Variants in TUSC3 observed in about 807,000 individuals in gnomAD.
TUSC3 encodes tumor suppressor candidate 3, also known as dolichyl-diphosphooligosaccharide--protein glycosyltransferase subunit TUSC3.
A neutral mutation model predicts 44.8 loss-of-function variants in TUSC3; 45 were observed. The observed-to-expected ratio is 1.00, with a 90% CI of 0.79 to 1.29. The LOEUF is 1.29. Among genes scored for constraint, TUSC3 ranks in the 50% most tolerant of loss-of-function variants. The probability of loss-of-function intolerance (pLI) is 0.00; values close to 1 mark genes in which losing one functional copy is unlikely to be tolerated. For missense variants in TUSC3, 519 were observed against 437.9 expected, an observed-to-expected ratio of 1.19 and a Z score of -1.65; for synonymous variants, 212 against 152.9, an observed-to-expected ratio of 1.39 and a Z score of -2.85.
At chr8:15,739,933 T>C (rs1377441354) in intron 7 of TUSC3, among the ~76,000 whole-genome samples, 1 of 151,154 alleles carries the variant, frequency 6.6e-6, no homozygotes, top group East Asian at 2.0e-4. Context: ...TGTAAACAGA[T>C]GGTAATGTCT....
chr8:15,434,033 AAC>A (rs2129117288), intron 1 of TUSC3, among the ~76,000 whole-genome samples: 1 of 152,286 alleles, frequency 6.6e-6, no homozygotes, highest in African/African-American at 2.4e-5. Context: ...TGAGAAACTA[AAC>A]AGTTCCTCAA....
intron 5 of TUSC3, among the ~76,000 whole-genome samples, chr8:15,663,698 A>T (rs936716185): frequency 2.0e-5 from 3 of 151,916 alleles, no homozygotes; most frequent in African/African-American, 7.2e-5. Context: ...TTGATGAATG[A>T]GTTAAAATGG....
At chr8:15,737,263 T>C (rs1810976007) in intron 7 of TUSC3, among the ~76,000 whole-genome samples, 1 of 152,186 alleles carries the variant, frequency 6.6e-6, no homozygotes, top group African/African-American at 2.4e-5. Context: ...AACATTTTTT[T>C]CAACGTCTAT....
chr8:15,843,988 T>C, the TUSC3 span, among the ~76,000 whole-genome samples: 26 of 152,246 alleles, frequency 1.7e-4, no homozygotes, highest in South Asian at 4.1e-3. Context: ...ATCTAATTTC[T>C]ACCAAATCTT....
intron 1 of TUSC3, among the ~76,000 whole-genome samples, chr8:15,460,727 A>G (rs1468171590): frequency 6.6e-6 from 1 of 152,168 alleles, no homozygotes; most frequent in African/African-American, 2.4e-5. Context: ...ATGAGGATCC[A>G]GTTTCATTCT....
chr8:15,720,809 G>T (rs145261775), intron 6 of TUSC3, among the ~76,000 whole-genome samples: 3 of 152,054 alleles, frequency 2.0e-5, no homozygotes, highest in African/African-American at 4.8e-5. Context: ...CTTATATTGC[G>T]ATTGAGGCAG....
intron 6 of TUSC3, among the ~76,000 whole-genome samples, chr8:15,704,164 A>G (rs987356900): frequency 1.1e-4 from 17 of 152,132 alleles, no homozygotes; most frequent in African/African-American, 3.1e-4. Flanking sequence ...TCATTTAAGC[A>G]GAGACCTGAA....
intron 2 of TUSC3, among the ~76,000 whole-genome samples, chr8:15,513,640 A>G (rs1801172476): frequency 6.6e-6 from 1 of 152,112 alleles, no homozygotes; most frequent in Non-Finnish European, 1.5e-5. Flanking sequence ...TTGTTTTAGG[A>G]AAAAAACTCA....
chr8:15,501,106 C>A (rs539510410), intron 2 of TUSC3, among the ~76,000 whole-genome samples: 1 of 152,292 alleles, frequency 6.6e-6, no homozygotes, highest in East Asian at 1.9e-4. Context: ...CATTTGGCCC[C>A]TAGCATCTCC....
At chr8:15,590,426 T>G (rs1803777877) in intron 1 of TUSC3, among the ~76,000 whole-genome samples, 1 of 152,138 alleles carries the variant, frequency 6.6e-6, no homozygotes, top group Non-Finnish European at 1.5e-5. Context: ...AGCTTTTGTT[T>G]TCTTTCTCCT....
At chr8:15,583,429 C>G (rs1004516205) in intron 1 of TUSC3, among the ~76,000 whole-genome samples, 1 of 152,112 alleles carries the variant, frequency 6.6e-6, no homozygotes, top group Non-Finnish European at 1.5e-5. Context: ...ATGAGGATTA[C>G]TGGAAGTAAT....
In TUSC3 at chr8:15,765,347, CA is replaced by C. The variant is rs1247571012; in HGVS notation, c.*1193del. ...GAAAGCAGTTCTTCTTGAGTCAGTTCAATAAGTGTTTGCTTTTTGTTTTTAA... is the reference window on the plus strand; with the variant it reads ...GAAAGCAGTTCTTCTTGAGTCAGTTCATAAGTGTTTGCTTTTTGTTTTTAA... On this transcript the variant is annotated 3_prime_UTR_variant, in exon 11 of 11. Coordinates refer to ENST00000503731, the MANE Select transcript of TUSC3 (RefSeq NM_006765.4). 2 of 151,888 alleles carry C rather than the reference CA, an allele frequency of 1.3e-5. No homozygotes were observed. The highest frequency in any genetic ancestry group is 4.8e-5 in the African/African-American group (2 of 41,398). The allele number at this position is 151,888 out of a possible 1,614,324, so 9.4% of individuals were successfully genotyped here. A position where few individuals can be genotyped will look rare whatever the true frequency, so the allele number is the denominator to read the frequency against.
chr8:15,748,115 A>G (rs1019208518), intron 8 of TUSC3, among the ~76,000 whole-genome samples: 4 of 152,076 alleles, frequency 2.6e-5, no homozygotes, highest in Non-Finnish European at 4.4e-5. Context: ...GAAGACTTAG[A>G]TCAGTCAATT....
At position 15,431,567 on chromosome 8, in the gene TUSC3, T is replaced by C. The variant is rs539173673; in HGVS notation, n.91+14262T>C. 9.2e-4 allele frequency among the ~76,000 whole-genome samples: 139 copies of C among 151,112 alleles called. 4 individuals are homozygous for C. The highest frequency in any genetic ancestry group is 3.2e-3 in the African/African-American group (129 of 40,546). On this transcript the variant is annotated intron_variant and non_coding_transcript_variant, in intron 1 of 5. Transcript: ENST00000503191. ...TAAAGTCATGGATTAGATTTAACAGTGCTTGGCAAACTCTTTAGAGGTTTC... is the reference window on the plus strand; with the variant it reads ...TAAAGTCATGGATTAGATTTAACAGCGCTTGGCAAACTCTTTAGAGGTTTC...
At chr8:15,729,613 C>T (rs1810634773) in intron 6 of TUSC3, among the ~76,000 whole-genome samples, 1 of 152,042 alleles carries the variant, frequency 6.6e-6, no homozygotes, top group Admixed American at 6.6e-5. Context: ...AATGCAGTAA[C>T]AGAAAACCAA....
chr8:15,449,448 C>T (rs1366747141), intron 1 of TUSC3, among the ~76,000 whole-genome samples: 1 of 152,112 alleles, frequency 6.6e-6, no homozygotes, highest in Non-Finnish European at 1.5e-5. Flanking sequence ...CCCGCCATGG[C>T]TGGTGGTCTC....
the TUSC3 span, among the ~76,000 whole-genome samples, chr8:15,849,234 G>A: frequency 3.9e-5 from 6 of 152,030 alleles, no homozygotes; most frequent in Non-Finnish European, 8.8e-5. Flanking sequence ...ATAATCTTTG[G>A]AAGCAGGTGT....
chr8:15,780,684 C>T, the TUSC3 span, among the ~76,000 whole-genome samples: 13 of 152,220 alleles, frequency 8.5e-5, no homozygotes, highest in South Asian at 2.5e-3. Flanking sequence ...ACTTTCTCAT[C>T]CCTCTTCCCT....
In TUSC3 at chr8:15,421,609, A is replaced by G. The variant is rs141776711; in HGVS notation, n.91+4304A>G. On this transcript the variant is annotated intron_variant and non_coding_transcript_variant, in intron 1 of 5. Transcript: ENST00000503191. ...TTGTTATTGTCTCTATTTCCCAGCT[A>G]GAATGAAAGCCCCAAACAGAAGGGA... Among the ~76,000 whole-genome samples, 303 of 152,314 alleles carry G rather than the reference A, an allele frequency of 2.0e-3. 1 individual carries two copies. Among genetic ancestry groups the G allele is most frequent in the African/African-American group, 6.9e-3 (286 of 41,568 alleles).
Sources: gnomAD v4.1 joint callset for allele counts (sites outside exome capture counted in the v4.1 genomes callset) on GRCh38, gnomAD v4.1.1 for gene constraint, MANE v1.5 for transcripts, NCBI Gene and HGNC (gene_info 2026-07-23, HGNC 2026-07-21) for gene names.